Variants in LARGE1 observed in about 807,000 individuals in gnomAD.
LARGE1 encodes the protein LARGE xylosyl- and glucuronyltransferase 1.
LARGE1 carries 43 observed loss-of-function variants against 87.6 expected under a neutral mutation model. That is an observed-to-expected ratio of 0.49 (90% CI 0.38 to 0.63). The LOEUF (loss-of-function observed/expected upper bound fraction) is 0.63, where lower values mean the gene tolerates loss of function less well. LARGE1 is among the 30% of genes least tolerant of loss of function. The pLI is 0.00. For missense variants in LARGE1, 802 were observed against 1,000.2 expected, an observed-to-expected ratio of 0.80 and a Z score of 2.67; for synonymous variants, 434 against 394.6, an observed-to-expected ratio of 1.10 and a Z score of -1.18.
At chr22:33,677,288 TA>T (rs779032764) in intron 2 of LARGE1, among the ~76,000 whole-genome samples, 21,659 of 110,106 alleles carry the variant, frequency 0.2, 3,545 homozygotes, top group African/African-American at 0.49. Context: ...TTTCAGGAGT[TA>T]AAAAAAAAAA....
chr22:33,253,631 G>A (rs571610082), intron 11 of LARGE1, among the ~76,000 whole-genome samples: 1 of 152,340 alleles, frequency 6.6e-6, no homozygotes, highest in East Asian at 1.9e-4. Flanking sequence ...AGAATCGCTT[G>A]AACCCGGAAG....
chr22:33,681,656 A>T (rs573798845), intron 2 of LARGE1, among the ~76,000 whole-genome samples: 1 of 152,334 alleles, frequency 6.6e-6, no homozygotes, highest in East Asian at 1.9e-4. Flanking sequence ...CTCCCACTCT[A>T]TATTAGTCTG....
intron 2 of LARGE1, among the ~76,000 whole-genome samples, chr22:33,660,679 T>G (rs938669790): frequency 6.6e-6 from 1 of 152,238 alleles, no homozygotes; most frequent in Non-Finnish European, 1.5e-5. Flanking sequence ...TCCCCTTTGT[T>G]GGTAGATTCA....
chr22:33,685,156 G>GTA (rs1433010740), intron 2 of LARGE1, among the ~76,000 whole-genome samples: 1 of 152,218 alleles, frequency 6.6e-6, no homozygotes, highest in Non-Finnish European at 1.5e-5. Flanking sequence ...ATGCCCTGGA[G>GTA]ATGAGAAGAG....
intron 11 of LARGE1, among the ~76,000 whole-genome samples, chr22:33,201,318 GAA>G (rs908989787): frequency 1.4e-5 from 2 of 142,706 alleles, no homozygotes; most frequent in Non-Finnish European, 3.0e-5. Flanking sequence ...CAAAAAGAAA[GAA>G]AGAGAGAAAG....
chr22:33,776,406 T>C (rs1359119731), intron 1 of LARGE1, among the ~76,000 whole-genome samples: 1 of 152,192 alleles, frequency 6.6e-6, no homozygotes, highest in African/African-American at 2.4e-5. Context: ...TTAACCTCTT[T>C]CAACAATGCA....
intron 13 of LARGE1, among the ~76,000 whole-genome samples, chr22:33,279,551 G>A (rs1397264811): frequency 6.6e-6 from 1 of 152,184 alleles, no homozygotes; most frequent in East Asian, 1.9e-4. Context: ...CCAATGGGTG[G>A]GCTTTGATCA....
chr22:33,378,218 A>AT (rs995874152), intron 9 of LARGE1, among the ~76,000 whole-genome samples: 5 of 151,938 alleles, frequency 3.3e-5, no homozygotes, highest in Admixed American at 6.6e-5. Flanking sequence ...CAAATTTTTA[A>AT]TTTTTTTTCT....
chr22:33,699,126 G>A (rs188840467), intron 2 of LARGE1, among the ~76,000 whole-genome samples: 133 of 152,266 alleles, frequency 8.7e-4, no homozygotes, highest in African/African-American at 3.1e-3. Context: ...AACCCATGAT[G>A]GTGAAAACAT....
chr22:33,416,337 T>A (rs1438454761), intron 7 of LARGE1, among the ~76,000 whole-genome samples: 1 of 152,152 alleles, frequency 6.6e-6, no homozygotes, highest in Non-Finnish European at 1.5e-5. Flanking sequence ...TGCTGCTCTG[T>A]TGAACAGCAA....
At chr22:33,267,233 C>G (rs563020324) in intron 11 of LARGE1, among the ~76,000 whole-genome samples, 7 of 151,770 alleles carry the variant, frequency 4.6e-5, no homozygotes, top group Admixed American at 3.3e-4. Context: ...AGAGGGGACC[C>G]TGTCTCAAAA....
rs538677211 is a variant in LARGE1 at position 33,275,000 on chromosome 22, C to T, written c.2074-376G>A. ...CACATGGACAGTCTAGGATGACACACGCCATGGGATATTCTCTTGCTCGAT... is the reference window on the plus strand; with the variant it reads ...CACATGGACAGTCTAGGATGACACATGCCATGGGATATTCTCTTGCTCGAT... On this transcript the variant is annotated intron_variant, in intron 14 of 14. Coordinates refer to ENST00000397394, the MANE Select transcript of LARGE1 (RefSeq NM_133642.5). Among the ~76,000 whole-genome samples, 10 of 152,256 alleles carry T rather than the reference C, an allele frequency of 6.6e-5. No individual in the cohort carries two copies. The South Asian group carries it at 1.0e-3, about 16-fold the overall frequency.
At chr22:33,511,136 G>A (rs1053518171) in intron 6 of LARGE1, among the ~76,000 whole-genome samples, 1 of 152,170 alleles carries the variant, frequency 6.6e-6, no homozygotes, top group South Asian at 2.1e-4. Flanking sequence ...CCTCCCATTT[G>A]GACAGATGTT....
intron 1 of LARGE1, among the ~76,000 whole-genome samples, chr22:33,773,682 A>G (rs907089576): frequency 5.9e-5 from 9 of 152,266 alleles, no homozygotes; most frequent in African/African-American, 1.7e-4. Flanking sequence ...GGCCTCAAGC[A>G]TCAGCTCTGC....
intron 1 of LARGE1, among the ~76,000 whole-genome samples, chr22:33,771,476 C>G (rs553087780): frequency 6.6e-6 from 1 of 152,182 alleles, no homozygotes; most frequent in African/African-American, 2.4e-5. Context: ...CTAGTAAACT[C>G]ACTTCTCCAA....
At chr22:33,920,930 C>T (rs1427133864), upstream of LARGE1, among the ~76,000 whole-genome samples, 1 of 147,990 alleles carries the variant, frequency 6.8e-6, no homozygotes, top group Non-Finnish European at 1.5e-5. Flanking sequence ...CAGGGGCGGG[C>T]GCTGGGGTCC....
chr22:33,894,845 A>G (rs2065091502), intron 1 of LARGE1, among the ~76,000 whole-genome samples: 2 of 152,182 alleles, frequency 1.3e-5, no homozygotes, highest in Non-Finnish European at 1.5e-5. Context: ...CAAGCATTTG[A>G]CATTCAGGAG....
rs1332510582 is a variant in LARGE1 at position 33,432,272 on chromosome 22, G to A, written c.788-7C>T. The A allele has an allele frequency of 6.8e-6, 11 of 1,608,146 alleles. No homozygotes were observed. The South Asian group carries it at 1.1e-4, about 16-fold the overall frequency. ...AAGCCCAGGACTTGCTGACCTGTGA[G>A]GTACAGAGAATACAAACATCTTAAA... On this transcript the variant is annotated splice_region_variant and splice_polypyrimidine_tract_variant and intron_variant, in intron 6 of 14. Transcript: ENST00000397394.
intron 11 of LARGE1, among the ~76,000 whole-genome samples, chr22:33,191,746 C>A (rs1009169516): frequency 6.6e-6 from 1 of 152,168 alleles, no homozygotes; most frequent in African/African-American, 2.4e-5. Context: ...TGGTGAGTGG[C>A]CCTTTCAGCG....
Sources: gnomAD v4.1 joint callset for allele counts (sites outside exome capture counted in the v4.1 genomes callset) on GRCh38, gnomAD v4.1.1 for gene constraint, MANE v1.5 for transcripts, NCBI Gene and HGNC (gene_info 2026-07-23, HGNC 2026-07-21) for gene names.